Variants in ROBO2 observed in about 807,000 individuals in gnomAD.
ROBO2 encodes the protein roundabout guidance receptor 2.
ROBO2 carries 53 observed loss-of-function variants against 160.8 expected under a neutral mutation model. The ratio of observed to expected loss-of-function variants is 0.33; its 90% CI spans 0.26 to 0.41. The LOEUF (loss-of-function observed/expected upper bound fraction) is 0.41. Among genes scored for constraint, ROBO2 ranks in the 10% least tolerant of loss-of-function variants. ROBO2 has a pLI of 1.00. For synonymous variants in ROBO2, 664 were observed against 611.7 expected, an observed-to-expected ratio of 1.09 and a Z score of -1.26; for missense variants, 1,577 against 1,722.4, an observed-to-expected ratio of 0.92 and a Z score of 1.49.
At chr3:76,439,497 T>C (rs1026023521) in intron 2 of ROBO2, among the ~76,000 whole-genome samples, 2 of 152,250 alleles carry the variant, frequency 1.3e-5, no homozygotes, top group Admixed American at 6.5e-5. Flanking sequence ...TGATATGGAC[T>C]ATGAGAAGTA....
At chr3:76,317,767 G>A (rs1322333901) in intron 2 of ROBO2, among the ~76,000 whole-genome samples, 2 of 151,868 alleles carry the variant, frequency 1.3e-5, no homozygotes, top group African/African-American at 2.4e-5. Context: ...AATATGCTTA[G>A]CAACTATACT....
At chr3:76,160,017 T>C (rs1479312420) in intron 2 of ROBO2, among the ~76,000 whole-genome samples, 2 of 152,124 alleles carry the variant, frequency 1.3e-5, no homozygotes, top group Non-Finnish European at 2.9e-5. Context: ...GGAGAAAGAC[T>C]CCCTGGTAAA....
At chr3:76,256,338 T>TCA (rs1251627043) in intron 2 of ROBO2, among the ~76,000 whole-genome samples, 2 of 88,676 alleles carry the variant, frequency 2.3e-5, no homozygotes, top group Non-Finnish European at 5.2e-5. Context: ...TCTCTCTCTC[T>TCA]CTCTCTCTCT....
chr3:76,657,087 C>A (rs1410381956), intron 2 of ROBO2, among the ~76,000 whole-genome samples: 1 of 151,800 alleles, frequency 6.6e-6, no homozygotes, highest in Non-Finnish European at 1.5e-5. Context: ...TACTTTTCTG[C>A]TGGCCACTTC....
At chr3:76,622,239 A>G (rs3916641) in intron 2 of ROBO2, among the ~76,000 whole-genome samples, 814 of 31,624 alleles carry the variant, frequency 0.026, 20 homozygotes, top group African/African-American at 0.039. Context: ...AGGAAGGAAG[A>G]AAGAAAGAAA....
intron 2 of ROBO2, among the ~76,000 whole-genome samples, chr3:76,506,275 G>A (rs1188027595): frequency 2.0e-5 from 3 of 152,034 alleles, no homozygotes; most frequent in African/African-American, 2.4e-5. Context: ...GTCCAAGATC[G>A]AGTTGCCAGC....
intron 2 of ROBO2, among the ~76,000 whole-genome samples, chr3:76,643,783 A>C (rs1013059293): frequency 2.6e-5 from 4 of 152,134 alleles, no homozygotes; most frequent in African/African-American, 9.6e-5. Flanking sequence ...AAAAAAGTAA[A>C]TAGAATTTAT....
At chr3:76,701,822 A>T (rs532242545) in intron 2 of ROBO2, among the ~76,000 whole-genome samples, 1 of 150,038 alleles carries the variant, frequency 6.7e-6, no homozygotes, top group African/African-American at 2.4e-5. Flanking sequence ...CCAATATATA[A>T]TTACCTTGAG....
intron 2 of ROBO2, among the ~76,000 whole-genome samples, chr3:77,288,935 G>A (rs1018811831): frequency 2.6e-5 from 4 of 152,054 alleles, no homozygotes; most frequent in Non-Finnish European, 5.9e-5. Context: ...ATATATTTAC[G>A]GCACCATGTG....
At chr3:76,982,541 T>C (rs2060149964) in intron 2 of ROBO2, among the ~76,000 whole-genome samples, 1 of 152,196 alleles carries the variant, frequency 6.6e-6, no homozygotes, top group African/African-American at 2.4e-5. Context: ...TTCAAGATTG[T>C]TTTGGCTATT....
chr3:76,574,308 A>C (rs2085150455), intron 2 of ROBO2, among the ~76,000 whole-genome samples: 1 of 152,126 alleles, frequency 6.6e-6, no homozygotes, highest in African/African-American at 2.4e-5. Context: ...TTAGATAACC[A>C]CATAAATTTA....
At chr3:76,977,910 A>C (rs932424764) in intron 2 of ROBO2, among the ~76,000 whole-genome samples, 3 of 152,212 alleles carry the variant, frequency 2.0e-5, no homozygotes, top group African/African-American at 7.2e-5. Flanking sequence ...TGTGTAAAAT[A>C]ATGAATAAGT....
chr3:76,220,251 A>G (rs189434340), intron 2 of ROBO2, among the ~76,000 whole-genome samples: 3,278 of 151,766 alleles, frequency 0.022, 148 homozygotes, highest in African/African-American at 0.074. Flanking sequence ...TGGGTGCAGC[A>G]CACCAGCATG....
rs540391749 is a variant in ROBO2, at chr3:75,924,688, T to TC, written c.-13-12793_-13-12792insC. Among the ~76,000 whole-genome samples the TC allele has an allele frequency of 5.9e-3, 679 of 115,944 alleles. 4 individuals are homozygous for TC. The highest frequency in any genetic ancestry group is 0.021 in the African/African-American group (658 of 30,610). The allele number at this position is 115,944 out of a possible 152,430, so 76.1% of individuals were successfully genotyped here. A position where few individuals can be genotyped will look rare whatever the true frequency, so the allele number is the denominator to read the frequency against. On this transcript the variant is annotated intron_variant, in intron 1 of 26. Coordinates refer to the ROBO2 transcript ENST00000487694. ...GGGAATTTATTTTCTTTTCTTTTTT[T>TC]TTTTTTTTTTTTTTTTTGAGACTGT...
chr3:76,886,204 C>G (rs1190293575), intron 2 of ROBO2, among the ~76,000 whole-genome samples: 1 of 151,292 alleles, frequency 6.6e-6, no homozygotes, highest in African/African-American at 2.4e-5. Flanking sequence ...AGCACATAAA[C>G]TTTTTCTTGA....
intron 2 of ROBO2, among the ~76,000 whole-genome samples, chr3:76,650,972 G>A (rs986818827): frequency 2.0e-5 from 3 of 152,220 alleles, no homozygotes; most frequent in South Asian, 2.1e-4. Flanking sequence ...ATTTGTGGTC[G>A]TCTGTATATT....
chr3:77,533,404 G>A (rs1480238021), intron 6 of ROBO2, among the ~76,000 whole-genome samples: 1 of 152,150 alleles, frequency 6.6e-6, no homozygotes, highest in Non-Finnish European at 1.5e-5. Flanking sequence ...TCTCAACAGT[G>A]TTTTCTCCTA....
intron 2 of ROBO2, among the ~76,000 whole-genome samples, chr3:76,125,307 C>T (rs72894594): frequency 0.055 from 8,377 of 152,162 alleles, 467 homozygotes; most frequent in East Asian, 0.15. Flanking sequence ...ACAGTGAACA[C>T]ATGAGCACAT....
rs772503893 is a variant in ROBO2 at position 77,493,336 on chromosome 3, C to G, written c.760C>G (p.Pro254Ala). ...TTGTCAAGTCCAAGGAGATCCTCAA[C>G]CAACTGTGAGGTGGAAAAAGGATGA... The change falls in exon 5 of 26, where the codon CCA becomes GCA. Residue 254 changes from proline to alanine, a missense_variant. Transcript: ENST00000461745. 3 of 1,613,754 alleles carry G rather than the reference C, an allele frequency of 1.9e-6. No individual in the cohort carries two copies. Among genetic ancestry groups the G allele is most frequent in the Non-Finnish European group, 2.5e-6 (3 of 1,179,928 alleles).
Sources: gnomAD v4.1 joint callset for allele counts (sites outside exome capture counted in the v4.1 genomes callset) on GRCh38, gnomAD v4.1.1 for gene constraint, MANE v1.5 for transcripts, NCBI Gene and HGNC (gene_info 2026-07-23, HGNC 2026-07-21) for gene names.